Variants in PHF8 observed in about 807,000 individuals in gnomAD.
The protein encoded by PHF8 is PHD finger protein 8.
Under a neutral mutation model 74.4 loss-of-function variants are expected in PHF8, and 9 were observed. The observed-to-expected ratio is 0.12, with a 90% CI of 0.07 to 0.21. The LOEUF (loss-of-function observed/expected upper bound fraction) is 0.21. PHF8 is among the 10% of genes least tolerant of loss of function. The pLI is 1.00. For missense variants in PHF8, 478 were observed against 816.6 expected (o/e 0.59, Z 5.05); for synonymous variants, 311 against 316.6 (o/e 0.98, Z 0.19).
chrX:53,984,041 T>C (rs1398797247), intron 18 of PHF8, among the ~76,000 whole-genome samples: 1 of 112,715 alleles, frequency 8.9e-6, no homozygotes, highest in Non-Finnish European at 1.9e-5. Flanking sequence ...TCAATAAGCA[T>C]TAACCATATT....
chrX:54,041,032 G>A (rs2066543363), intron 2 of PHF8, among the ~76,000 whole-genome samples: 1 of 111,896 alleles, frequency 8.9e-6, no homozygotes, highest in Non-Finnish European at 1.9e-5. Flanking sequence ...AGTCCCTGCT[G>A]AGGGCAGGAT....
intron 2 of PHF8, among the ~76,000 whole-genome samples, chrX:54,027,072 T>G (rs1667381111): frequency 1.8e-5 from 2 of 111,556 alleles, no homozygotes; most frequent in African/African-American, 6.5e-5. Flanking sequence ...GTACTATCTT[T>G]CCTTCCTTCT....
At chrX:54,006,474 T>C (rs1302551682) in intron 8 of PHF8, among the ~76,000 whole-genome samples, 3 of 110,839 alleles carry the variant, frequency 2.7e-5, no homozygotes, top group Non-Finnish European at 5.7e-5. Context: ...AGAATGAGAT[T>C]CTGTCTCAAA....
chrX:53,993,145 T>A, intron 13 of PHF8: 1 of 350,175 alleles, frequency 2.9e-6, no homozygotes, highest in Non-Finnish European at 5.1e-6. Flanking sequence ...GGAGGGCTTT[T>A]CTCAAGGACC....
At chrX:54,016,875 T>G (rs1351334042) in intron 5 of PHF8, 139 bp from the exon 6 acceptor site, 3 of 518,329 alleles carry the variant, frequency 5.8e-6, no homozygotes, top group Non-Finnish European at 9.9e-6. Context: ...GTGTGTTTGT[T>G]TGGGGGGCAG....
At chrX:54,003,644 T>C (rs1428135135) in intron 8 of PHF8, among the ~76,000 whole-genome samples, 1 of 112,076 alleles carries the variant, frequency 8.9e-6, no homozygotes, top group East Asian at 2.8e-4. Context: ...GCGACAGGCA[T>C]GAGCCACTGC....
chrX:53,978,560 A>G (rs1387246011), intron 18 of PHF8, among the ~76,000 whole-genome samples: 1 of 110,712 alleles, frequency 9.0e-6, no homozygotes, highest in East Asian at 2.9e-4. Context: ...GCACTTTGGG[A>G]GGCTGAGGCG....
intron 18 of PHF8, among the ~76,000 whole-genome samples, chrX:53,980,691 T>C (rs1557097703): frequency 8.9e-6 from 1 of 112,325 alleles, no homozygotes; most frequent in African/African-American, 3.2e-5. Context: ...AGGATTGATA[T>C]GGGAAAGAAT....
At chrX:54,042,937 G>T in intron 1 of PHF8, 117 bp from the exon 2 acceptor site, 1 of 588,631 alleles carries the variant, frequency 1.7e-6, no homozygotes, top group Non-Finnish European at 2.5e-6. Context: ...AGCTGGTGCG[G>T]CTGTAGGGGG....
At chrX:54,021,659 G>A (rs981737509) in intron 4 of PHF8, among the ~76,000 whole-genome samples, 5 of 106,791 alleles carry the variant, frequency 4.7e-5, no homozygotes, top group South Asian at 4.1e-4. Context: ...TAGTAGAGAC[G>A]GGGTTTCACC....
intron 16 of PHF8, 64 bp from the exon 17 acceptor site, chrX:53,986,013 G>A (rs1016967454): frequency 4.4e-5 from 46 of 1,056,333 alleles, no homozygotes; most frequent in Non-Finnish European, 5.8e-5. Flanking sequence ...CCCAGTACAG[G>A]GGCGATGATC....
intron 18 of PHF8, among the ~76,000 whole-genome samples, chrX:53,983,829 T>C (rs909524043): frequency 1.8e-5 from 2 of 112,240 alleles, no homozygotes; most frequent in African/African-American, 6.5e-5. Flanking sequence ...ATAAGGTATA[T>C]CTCTGCACTG....
intron 19 of PHF8, among the ~76,000 whole-genome samples, chrX:53,959,887 A>G (rs937777380): frequency 1.9e-5 from 2 of 104,715 alleles, no homozygotes; most frequent in African/African-American, 6.9e-5. Flanking sequence ...AAAAAAAAAA[A>G]GGGAATGATG....
Position 53,938,906 on chromosome X carries a change from T to C in PHF8, c.*252A>G. 1.1e-6 allele frequency: 1 copy of C among 948,383 alleles called. No individual in the cohort carries two copies. Among genetic ancestry groups the C allele is most frequent in the Non-Finnish European group, 1.3e-6 (1 of 761,197 alleles). The allele number at this position is 948,383 out of a possible 1,213,427, so 78.2% of individuals were successfully genotyped here. On this transcript the variant is annotated 3_prime_UTR_variant, in exon 22 of 22. Coordinates refer to ENST00000338154, the MANE Select transcript of PHF8 (RefSeq NM_015107.3). ...TGGTTTGGACGAGTAGAAAAGAGGG[T>C]TCTAGTCAGCTGGAAACCTCTCCCA... is the stretch of plus-strand genomic sequence containing the variant.
rs1183147751 is a variant in PHF8, at chrX:53,979,827, A to G, written c.2443+5087T>C. Among the ~76,000 whole-genome samples, 4 of 111,555 alleles carry G rather than the reference A, an allele frequency of 3.6e-5. No homozygotes were observed. In the Admixed American group the frequency reaches 3.8e-4, roughly 11 times the overall value. ...AACATGGCAAAACCCTGTTTCCACTAAAAACACAAAAATTAACCAGGAGTG... is the reference window on the plus strand; with the variant it reads ...AACATGGCAAAACCCTGTTTCCACTGAAAACACAAAAATTAACCAGGAGTG... On this transcript the variant is annotated intron_variant, in intron 18 of 21. Coordinates refer to ENST00000338154, the MANE Select transcript of PHF8 (RefSeq NM_015107.3).
At chrX:54,030,176 T>C (rs1414268645) in intron 2 of PHF8, among the ~76,000 whole-genome samples, 1 of 111,681 alleles carries the variant, frequency 9.0e-6, no homozygotes, top group South Asian at 3.8e-4. Context: ...CCAGATAGTG[T>C]ATCTTATTTA....
chrX:53,985,738 G>C, intron 17 of PHF8, 78 bp downstream of exon 17: 1 of 1,202,644 alleles, frequency 8.3e-7, no homozygotes, highest in Non-Finnish European at 1.1e-6. Context: ...TCTACTGATT[G>C]GCTGACCTGG....
rs368767187 is a variant in PHF8 at position 54,034,493 on chromosome X, G to A, written c.98+8138C>T. ...GAAATCAAGATATTCTCAGATTAAG[G>A]AAAACTAAACGTATCTGTTGCCAAC... On this transcript the variant is annotated intron_variant, in intron 2 of 21. Transcript: ENST00000338154. Among the ~76,000 whole-genome samples, 13 of 111,434 alleles carry A rather than the reference G, an allele frequency of 1.2e-4. No homozygotes were observed. In the South Asian group the frequency reaches 4.1e-3, roughly 36 times the overall value.
chrX:53,978,570 G>A (rs1026502410), intron 18 of PHF8, among the ~76,000 whole-genome samples: 11 of 110,043 alleles, frequency 1.0e-4, no homozygotes, highest in Non-Finnish European at 2.1e-4. Context: ...AGGCTGAGGC[G>A]GGCGGATCAC....
Sources: allele counts gnomAD v4.1 joint callset (sites outside exome capture counted in the v4.1 genomes callset), GRCh38; gene constraint gnomAD v4.1.1; transcripts MANE v1.5; gene names NCBI Gene and HGNC (gene_info 2026-07-23, HGNC 2026-07-21).